DGKI: variants seen among roughly 807,000 people sequenced by gnomAD.
DGKI encodes diacylglycerol kinase iota.
DGKI carries 55 observed loss-of-function variants against 147.5 expected under a neutral mutation model. The observed-to-expected ratio is 0.37, with a 90% CI of 0.30 to 0.47. The LOEUF is 0.47. DGKI is among the 20% of genes least tolerant of loss of function. The pLI, the probability that DGKI is intolerant of heterozygous loss-of-function variation, is 1.00. For synonymous variants in DGKI, 469 were observed against 477.1 expected, an observed-to-expected ratio of 0.98 and a Z score of 0.22; for missense variants, 1,007 against 1,323.8, an observed-to-expected ratio of 0.76 and a Z score of 3.71.
chr7:137,618,060 G>A (rs527994199), intron 8 of DGKI, among the ~76,000 whole-genome samples: 76 of 135,108 alleles, frequency 5.6e-4, no homozygotes, highest in Non-Finnish European at 9.8e-4. Flanking sequence ...GTGTGTCTGC[G>A]GACTTCCAAA....
intron 21 of DGKI, among the ~76,000 whole-genome samples, chr7:137,508,191 T>C (rs1290344480): frequency 6.6e-6 from 1 of 151,510 alleles, no homozygotes; most frequent in Non-Finnish European, 1.5e-5. Flanking sequence ...CATGTTTCCC[T>C]TAGCATGATG....
chr7:137,615,387 G>A (rs897442106), intron 8 of DGKI, among the ~76,000 whole-genome samples: 1 of 151,868 alleles, frequency 6.6e-6, no homozygotes, highest in African/African-American at 2.4e-5. Flanking sequence ...ATTCATCTTT[G>A]GACCTCCTAC....
chr7:137,503,785 T>C (rs1816268850), intron 21 of DGKI, among the ~76,000 whole-genome samples: 8 of 152,146 alleles, frequency 5.3e-5, no homozygotes, highest in Admixed American at 5.2e-4. Context: ...TCTACCCCAC[T>C]GGGTTACTGT....
intron 1 of DGKI, among the ~76,000 whole-genome samples, chr7:137,800,356 G>A (rs1797159862): frequency 1.3e-5 from 2 of 152,224 alleles, no homozygotes; most frequent in African/African-American, 4.8e-5. Context: ...GGTCATGGGG[G>A]CAGATCCCTC....
chr7:137,523,789 C>T (rs1351635952), intron 20 of DGKI, among the ~76,000 whole-genome samples: 1 of 152,082 alleles, frequency 6.6e-6, no homozygotes, highest in Admixed American at 6.6e-5. Context: ...AGATACAGAC[C>T]TTCAGTTAGT....
chr7:137,456,735 C>A (rs774721345), intron 27 of DGKI, among the ~76,000 whole-genome samples: 10 of 152,102 alleles, frequency 6.6e-5, no homozygotes, highest in Non-Finnish European at 1.2e-4. Flanking sequence ...CAATGAAGGG[C>A]GAGAATTTCC....
At chr7:137,495,615 T>C (rs1222370226) in intron 21 of DGKI, among the ~76,000 whole-genome samples, 1 of 151,014 alleles carries the variant, frequency 6.6e-6, no homozygotes, top group Non-Finnish European at 1.5e-5. Context: ...TCTACCATGG[T>C]CAAGTAGGCT....
intron 20 of DGKI, among the ~76,000 whole-genome samples, chr7:137,536,354 T>G (rs1817520317): frequency 6.6e-6 from 1 of 152,122 alleles, no homozygotes; most frequent in African/African-American, 2.4e-5. Context: ...CAGAGCAAGG[T>G]GCTTAGGTAC....
intron 1 of DGKI, chr7:137,843,441 A>C: frequency 1.0e-6 from 1 of 985,240 alleles, no homozygotes; most frequent in Non-Finnish European, 1.2e-6. Flanking sequence ...GACAGAGACT[A>C]TTTGCTCTAG....
chr7:137,467,292 C>T (rs1814696371), intron 24 of DGKI, among the ~76,000 whole-genome samples: 1 of 152,228 alleles, frequency 6.6e-6, no homozygotes, highest in African/African-American at 2.4e-5. Flanking sequence ...TTTAAAACTT[C>T]TTATACAGAC....
At chr7:137,442,386 C>T (rs565819861) in intron 28 of DGKI, among the ~76,000 whole-genome samples, 1 of 152,246 alleles carries the variant, frequency 6.6e-6, no homozygotes, top group South Asian at 2.1e-4. Context: ...AATTATAATT[C>T]ACAAGTTTCC....
At chr7:137,790,588 A>G (rs367622897) in intron 1 of DGKI, among the ~76,000 whole-genome samples, 101 of 152,296 alleles carry the variant, frequency 6.6e-4, no homozygotes, top group African/African-American at 2.4e-3. Flanking sequence ...GCGTGGAGCA[A>G]TTTCTACCAA....
At position 137,552,559 on chromosome 7, in the gene DGKI, G is replaced by A; in HGVS notation, c.1957C>T (p.Gln653Ter). Residue 653 changes from glutamine (Q) to a stop codon, truncating the protein, a stop_gained, in exon 20 of 33, where the codon CAA becomes TAA. Coordinates refer to ENST00000614521, the MANE Select transcript of DGKI (RefSeq NM_001321708.2). LOFTEE classifies it high-confidence loss of function. ...GFTMASLAALQVGGHGERLHQ... is the reference protein window; with the variant it reads ...GFTMASLAAL Reference sequence around the variant, plus strand: ...AGCCTCTCTCCATGGCCCCCAACTTGCAGGGCTGCCTATAAAAACAAGAGT... The same window carrying A: ...AGCCTCTCTCCATGGCCCCCAACTTACAGGGCTGCCTATAAAAACAAGAGT... 6.2e-7 allele frequency: 1 copy of A among 1,613,960 alleles called. No homozygotes were observed. The highest frequency in any genetic ancestry group is 8.5e-7 in the Non-Finnish European group (1 of 1,179,982).
intron 21 of DGKI, among the ~76,000 whole-genome samples, chr7:137,496,216 C>T (rs1286191144): frequency 6.6e-6 from 1 of 152,152 alleles, no homozygotes; most frequent in South Asian, 2.1e-4. Flanking sequence ...ACAATAGCCA[C>T]AAACAAAATA....
intron 19 of DGKI, among the ~76,000 whole-genome samples, chr7:137,569,763 A>G (rs890140635): frequency 3.1e-5 from 4 of 128,718 alleles, no homozygotes; most frequent in African/African-American, 1.4e-4. Context: ...AAAAAAAAAA[A>G]AAAAAAAAAG....
chr7:137,530,535 T>C (rs1817303949), intron 20 of DGKI, among the ~76,000 whole-genome samples: 1 of 152,218 alleles, frequency 6.6e-6, no homozygotes, highest in South Asian at 2.1e-4. Flanking sequence ...CATTAAATCA[T>C]GAGCTCTTCA....
Position 137,391,025 on chromosome 7 carries a change from T to A in DGKI, c.*195A>T. The A allele has an allele frequency of 1.7e-6, 1 of 578,714 alleles. No homozygotes were observed. Among genetic ancestry groups the A allele is most frequent in the East Asian group, 3.0e-5 (1 of 33,138 alleles). The allele number at this position is 578,714 out of a possible 1,614,324, so 35.8% of individuals were successfully genotyped here. A position where few individuals can be genotyped will look rare whatever the true frequency, so the allele number is the denominator to read the frequency against. Reference sequence around the variant, plus strand: ...TCCACAAATCTCCAGGTATCCTGCCTCCTTCTCAATGGGCTATCATGTTCT... The same window carrying A: ...TCCACAAATCTCCAGGTATCCTGCCACCTTCTCAATGGGCTATCATGTTCT... On this transcript the variant is annotated 3_prime_UTR_variant, in exon 33 of 33. Coordinates refer to ENST00000614521, the MANE Select transcript of DGKI (RefSeq NM_001321708.2).
chr7:137,434,655 C>T (rs1367796466), intron 28 of DGKI, among the ~76,000 whole-genome samples: 6 of 152,046 alleles, frequency 3.9e-5, no homozygotes, highest in Non-Finnish European at 8.8e-5. Context: ...CTTCAAAAGA[C>T]AACTAGATAA....
chr7:137,546,854 C>G (rs967733607), intron 20 of DGKI, among the ~76,000 whole-genome samples: 4 of 152,230 alleles, frequency 2.6e-5, no homozygotes, highest in Non-Finnish European at 4.4e-5. Flanking sequence ...CCAAGACTCT[C>G]TCTGTCTGTG....
Sources: allele counts gnomAD v4.1 joint callset (sites outside exome capture counted in the v4.1 genomes callset), GRCh38; gene constraint gnomAD v4.1.1; transcripts MANE v1.5; gene names NCBI Gene and HGNC (gene_info 2026-07-23, HGNC 2026-07-21).